OSGIN2: variants seen among roughly 807,000 people sequenced by gnomAD.
The protein encoded by OSGIN2 is oxidative stress-induced growth inhibitor 2.
In OSGIN2, 19 loss-of-function variants were observed where a neutral mutation model predicts 53.8. That is an observed-to-expected ratio of 0.35 (90% CI 0.25 to 0.52). OSGIN2 has a LOEUF of 0.52. Ranked by LOEUF, OSGIN2 falls within the 20% of genes least tolerant of loss-of-function variation. The pLI is 0.95. For missense variants in OSGIN2, 520 were observed against 662.7 expected, an observed-to-expected ratio of 0.78 and a Z score of 2.36; for synonymous variants, 236 against 236.0, an observed-to-expected ratio of 1.00 and a Z score of 0.00.
intron 2 of OSGIN2, among the ~76,000 whole-genome samples, chr8:89,911,644 A>AG (rs1309403048): frequency 6.8e-6 from 1 of 148,052 alleles, no homozygotes; most frequent in Non-Finnish European, 1.5e-5. Flanking sequence ...AAAAAAAAAA[A>AG]GAAAAGAGGG....
chr8:89,911,002 A>G (rs548678389), intron 2 of OSGIN2, among the ~76,000 whole-genome samples: 3 of 152,330 alleles, frequency 2.0e-5, no homozygotes, highest in African/African-American at 7.2e-5. Context: ...GTATTATTCT[A>G]CTGTTCTGTG....
rs1808748121 is a variant in OSGIN2, at chr8:89,902,708, A to G, written c.-86A>G. On this transcript the variant is annotated 5_prime_UTR_variant, in exon 1 of 6. Transcript: ENST00000451899. ...CCGGCAGACCCCGCGACCCCGAGCC[A>G]GCGGGCGCCCCGAGCGGGCAGCCTC... 1.1e-5 allele frequency: 7 copies of G among 623,988 alleles called. No homozygotes were observed. The highest frequency in any genetic ancestry group is 1.4e-5 in the Non-Finnish European group (7 of 487,948). The allele number at this position is 623,988 out of a possible 1,614,324, so 38.7% of individuals were successfully genotyped here. A position where few individuals can be genotyped will look rare whatever the true frequency, so the allele number is the denominator to read the frequency against.
rs1809039893 is a variant in OSGIN2, at chr8:89,914,647, T to C, written c.429T>C (p.Phe143=). ...FDTLLHPDAD[F]GYDYPSVLHW... ...CACTTCTTCATCCAGATGCTGACTT[T>C]GGGTATGATTATCCATCCGTTTTGC... Residue 143 remains phenylalanine (F), a synonymous_variant, in exon 4 of 6, where the codon TTT becomes TTC. Transcript: ENST00000451899. 6.2e-6 allele frequency: 10 copies of C among 1,613,954 alleles called. No individual in the cohort carries two copies. Among genetic ancestry groups the C allele is most frequent in the Non-Finnish European group, 8.5e-6 (10 of 1,179,780 alleles).
intron 1 of OSGIN2, among the ~76,000 whole-genome samples, chr8:89,903,176 TA>T (rs1406220719): frequency 2.6e-5 from 4 of 151,478 alleles, no homozygotes; most frequent in Admixed American, 6.6e-5. Flanking sequence ...CCTGCCTCCC[TA>T]AAAAAAAATT....
chr8:89,914,277 T>C, intron 3 of OSGIN2, 64 bp downstream of exon 3: 1 of 1,220,704 alleles, frequency 8.2e-7, no homozygotes, highest in African/African-American at 1.5e-5. Flanking sequence ...AGTTTTTATT[T>C]ATATGAACTT....
At position 89,902,650 on chromosome 8, in the gene OSGIN2, C is replaced by G. The variant is rs1156403463; in HGVS notation, c.-144C>G. On this transcript the variant is annotated 5_prime_UTR_variant, in exon 1 of 6. Transcript: ENST00000451899. ...CTCCGGCGCCACAGAGCCGGGGCAG[C>G]CGCGGCAACGGCGAGGCGCGAGGCA... The G allele has an allele frequency of 5.7e-6, 1 of 175,098 alleles. No individual in the cohort carries two copies. The highest frequency in any genetic ancestry group is 1.1e-5 in the Non-Finnish European group (1 of 88,878). The allele number at this position is 175,098 out of a possible 1,614,324, so 10.8% of individuals were successfully genotyped here. A position where few individuals can be genotyped will look rare whatever the true frequency, so the allele number is the denominator to read the frequency against.
In OSGIN2 at chr8:89,902,643, G is replaced by A. The variant is rs1393070480; in HGVS notation, c.-151G>A. Reference sequence around the variant, plus strand: ...AGGCGGACTCCGGCGCCACAGAGCCGGGGCAGCCGCGGCAACGGCGAGGCG... The same window carrying A: ...AGGCGGACTCCGGCGCCACAGAGCCAGGGCAGCCGCGGCAACGGCGAGGCG... On this transcript the variant is annotated 5_prime_UTR_variant, in exon 1 of 6. Transcript: ENST00000451899. The A allele has an allele frequency of 6.0e-6, 1 of 167,882 alleles. No homozygotes were observed. The highest frequency in any genetic ancestry group is 2.4e-5 in the African/African-American group (1 of 41,574). The allele number at this position is 167,882 out of a possible 1,614,324, so 10.4% of individuals were successfully genotyped here.
intron 2 of OSGIN2, among the ~76,000 whole-genome samples, chr8:89,910,001 T>G (rs1808935935): frequency 6.6e-6 from 1 of 152,226 alleles, no homozygotes; most frequent in Non-Finnish European, 1.5e-5. Context: ...GTCATGGTAA[T>G]GTGATAATAT....
At chr8:89,902,204 A>C (rs10088155), upstream of OSGIN2, 30,221 of 151,654 alleles carry the variant, frequency 0.2, 5,557 homozygotes, top group African/African-American at 0.48. Context: ...TACGCAGGGA[A>C]CTCCGCCGGG....
At chr8:89,904,421 T>G (rs990479210) in intron 1 of OSGIN2, among the ~76,000 whole-genome samples, 7 of 152,220 alleles carry the variant, frequency 4.6e-5, no homozygotes, top group Non-Finnish European at 8.8e-5. Context: ...TTTGCTATGT[T>G]TTGGTCTGGA....
intron 4 of OSGIN2, among the ~76,000 whole-genome samples, chr8:89,918,764 T>C (rs1490805766): frequency 1.3e-5 from 2 of 152,234 alleles, no homozygotes; most frequent in East Asian, 3.8e-4. Flanking sequence ...CATTCTCATG[T>C]AGTTACTCAA....
At position 89,914,578 on chromosome 8, in the gene OSGIN2, C is replaced by T. The variant is rs1398736558; in HGVS notation, c.360C>T (p.Gly120=). 1 of 1,613,832 alleles carries T rather than the reference C, an allele frequency of 6.2e-7. No individual in the cohort carries two copies. Among genetic ancestry groups the T allele is most frequent in the Non-Finnish European group, 8.5e-7 (1 of 1,179,780 alleles). Residue 120 remains glycine, a synonymous_variant, in exon 4 of 6, where the codon GGC becomes GGT. Transcript: ENST00000451899. ...AGGACTTAGAATACTTGTCTGAGGG[C>T]CTTGAGGGCCGATCATCCAATCCAG... ...VDQDLEYLSE[G]LEGRSSNPVA...
chr8:89,906,211 T>C (rs1808836137), intron 1 of OSGIN2, among the ~76,000 whole-genome samples: 1 of 152,188 alleles, frequency 6.6e-6, no homozygotes, highest in South Asian at 2.1e-4. Flanking sequence ...GTCCACTCTT[T>C]TTGCTTCCCT....
At position 89,927,421 on chromosome 8, in the gene OSGIN2, G is replaced by GTATAT. The variant is rs2130723279; in HGVS notation, c.*1890_*1894dup. 6.6e-6 allele frequency: 1 copy of GTATAT among 152,236 alleles called. No individual in the cohort carries two copies. The highest frequency in any genetic ancestry group is 2.1e-4 in the South Asian group (1 of 4,828). 9.4% of individuals were successfully genotyped at this position (152,236 alleles called of 1,614,324 possible). ...TCCTCAATCCAAGCTGTCCTGTGTA[G>GTATAT]TATATAACATTTGGGCATTTTCTCT... On this transcript the variant is annotated 3_prime_UTR_variant, in exon 6 of 6. Transcript: ENST00000451899.
At chr8:89,914,827 T>G in intron 4 of OSGIN2, 81 bp downstream of exon 4, 1 of 955,296 alleles carries the variant, frequency 1.0e-6, no homozygotes, top group Non-Finnish European at 1.7e-6. Context: ...AGCATTATGA[T>G]AATGTTATAT....
intron 2 of OSGIN2, among the ~76,000 whole-genome samples, chr8:89,913,374 TCTCA>T (rs1158755726): frequency 6.6e-6 from 1 of 152,202 alleles, no homozygotes; most frequent in Admixed American, 6.5e-5. Flanking sequence ...GTTAGATTTC[TCTCA>T]CTGTCATAAT....
At chr8:89,912,179 G>A (rs1379393710) in intron 2 of OSGIN2, among the ~76,000 whole-genome samples, 1 of 152,136 alleles carries the variant, frequency 6.6e-6, no homozygotes, top group Non-Finnish European at 1.5e-5. Context: ...TTTTTGAAAG[G>A]CAGATATAAT....
chr8:89,922,997 AC>A (rs950313297), intron 5 of OSGIN2, among the ~76,000 whole-genome samples: 2 of 152,140 alleles, frequency 1.3e-5, no homozygotes, highest in Admixed American at 1.3e-4. Context: ...AAAATGGTAT[AC>A]CTGTGGGAGG....
chr8:89,920,998 G>A, intron 4 of OSGIN2, 82 bp from the exon 5 acceptor site: 2 of 791,524 alleles, frequency 2.5e-6, no homozygotes, highest in Non-Finnish European at 4.2e-6. Context: ...AAATGAGATG[G>A]ATATGGTTAA....
Sources: allele counts gnomAD v4.1 joint callset (sites outside exome capture counted in the v4.1 genomes callset), GRCh38; gene constraint gnomAD v4.1.1; transcripts MANE v1.5; gene names NCBI Gene and HGNC (gene_info 2026-07-23, HGNC 2026-07-21).